PHACTR2: variants seen among roughly 807,000 people sequenced by gnomAD.
PHACTR2 encodes phosphatase and actin regulator 2.
A neutral mutation model predicts 76.0 loss-of-function variants in PHACTR2; 30 were observed. The ratio of observed to expected loss-of-function variants is 0.39; its 90% CI spans 0.30 to 0.54. PHACTR2 has a LOEUF of 0.54. Ranked by LOEUF, PHACTR2 falls within the 20% of genes least tolerant of loss-of-function variation. PHACTR2 has a pLI of 0.61. For missense variants in PHACTR2, 696 were observed against 781.1 expected (o/e 0.89, Z 1.30); for synonymous variants, 292 against 292.5 (o/e 1.00, Z 0.02).
chr6:143,745,055 T>C (rs1029609611), intron 2 of PHACTR2, among the ~76,000 whole-genome samples: 1 of 152,234 alleles, frequency 6.6e-6, no homozygotes, highest in Non-Finnish European at 1.5e-5. Flanking sequence ...CCTTAGCTAC[T>C]GTATTCAGCT....
intron 1 of PHACTR2, among the ~76,000 whole-genome samples, chr6:143,670,636 G>A (rs1303772169): frequency 2.0e-5 from 3 of 151,668 alleles, no homozygotes; most frequent in Non-Finnish European, 2.9e-5. Flanking sequence ...TGATCAATTC[G>A]ACTATTGATA....
rs1301544278 is a variant in PHACTR2, at chr6:143,824,973, A to G, written c.*1284A>G. 6.6e-6 allele frequency: 1 copy of G among 152,612 alleles called. No individual in the cohort carries two copies. The highest frequency in any genetic ancestry group is 1.5e-5 in the Non-Finnish European group (1 of 68,032). The allele number at this position is 152,612 out of a possible 1,614,324, so 9.5% of individuals were successfully genotyped here. A position where few individuals can be genotyped will look rare whatever the true frequency, so the allele number is the denominator to read the frequency against. ...GGTTAAAGTAGTGGAAGTTTTCCCT[A>G]TGAGCCTACAGTCTGTATTGTTTAC... is the stretch of plus-strand genomic sequence containing the variant. On this transcript the variant is annotated 3_prime_UTR_variant, in exon 13 of 13. Transcript: ENST00000440869. This position sits in a 1 kb window ranked among gnomAD's most constrained non-coding sequence, Gnocchi z 6.3.
chr6:143,714,621 T>C (rs1015887), intron 2 of PHACTR2, among the ~76,000 whole-genome samples: 93,132 of 152,042 alleles, frequency 0.61, 30,037 homozygotes, highest in African/African-American at 0.83. Context: ...AAGCAGAAAG[T>C]TTCCAATATC....
chr6:143,751,791 T>TACACACACACACAC lies in PHACTR2; in HGVS notation c.296-1942_296-1929dup, dbSNP rs71024875. Among the ~76,000 whole-genome samples, 9,886 of 140,140 alleles carry TACACACACACACAC rather than the reference T, an allele frequency of 0.071. 403 individuals carry two copies. The highest frequency in any genetic ancestry group is 0.097 in the Non-Finnish European group (6,298 of 64,868). 91.9% of individuals were successfully genotyped at this position (140,140 alleles called of 152,430 possible). A position where few individuals can be genotyped will look rare whatever the true frequency, so the allele number is the denominator to read the frequency against. On this transcript the variant is annotated intron_variant, in intron 3 of 12. Coordinates refer to ENST00000440869, the MANE Select transcript of PHACTR2 (RefSeq NM_001100164.2). This position sits in a 1 kb window ranked among gnomAD's most constrained non-coding sequence, Gnocchi z 5.7. The stretch of plus-strand genomic sequence containing the variant: ...TCCTTTGCTCTGCTTGTATTTTACT[T>TACACACACACACAC]ACACACACACACACACACACACACA...
upstream of PHACTR2, among the ~76,000 whole-genome samples, chr6:143,607,912 G>A (rs1001108658): frequency 6.6e-6 from 1 of 152,224 alleles, no homozygotes. Context: ...TTCATGATCA[G>A]TGCCTCTTCC....
rs989245230 is a variant in PHACTR2, at chr6:143,602,982, T to C, written c.217+65775T>C. Among the ~76,000 whole-genome samples, 2 of 151,834 alleles carry C rather than the reference T, an allele frequency of 1.3e-5. No individual in the cohort carries two copies. Among genetic ancestry groups the C allele is most frequent in the Non-Finnish European group, 2.9e-5 (2 of 67,950 alleles). The stretch of plus-strand genomic sequence containing the variant: ...CAACATGGCAAAACCCCGTCTCTAC[T>C]AAAAATACAAAAACTAGCCAGACAT... On this transcript the variant is annotated intron_variant, in intron 1 of 11. Transcript: ENST00000367584. The surrounding 1 kb of genome is among the most constrained non-coding windows in gnomAD (Gnocchi z 6.1).
chr6:143,762,502 C>G (rs1292179010), intron 5 of PHACTR2, among the ~76,000 whole-genome samples: 1 of 152,150 alleles, frequency 6.6e-6, no homozygotes, highest in East Asian at 1.9e-4. Flanking sequence ...CTTAAGTACA[C>G]CAACAAGCCC....
At chr6:143,726,696 C>T (rs9403527) in intron 2 of PHACTR2, among the ~76,000 whole-genome samples, 45,536 of 152,032 alleles carry the variant, frequency 0.3, 7,214 homozygotes, top group Middle Eastern at 0.37. Context: ...ATTGTGGATA[C>T]TGCTGCTCTG....
chr6:143,813,503 A>G (rs1387500891), intron 12 of PHACTR2, among the ~76,000 whole-genome samples: 2 of 151,642 alleles, frequency 1.3e-5, no homozygotes, highest in Non-Finnish European at 2.9e-5. Flanking sequence ...CTGTAGTGCC[A>G]GCTACTCCAG....
chr6:143,720,910 C>A (rs1778427343), intron 2 of PHACTR2, among the ~76,000 whole-genome samples: 1 of 152,208 alleles, frequency 6.6e-6, no homozygotes, highest in Admixed American at 6.5e-5. Flanking sequence ...ACTGCACCTG[C>A]CTTGGTTGTC....
Position 143,760,708 on chromosome 6 carries a change from T to A in PHACTR2, c.694+68T>A. ...CTTGGCTCTGGGATGGGGCTAATTG[T>A]TTCTTCTAGGTGTGATGGGCTTTTG... On this transcript the variant is annotated intron_variant, in intron 5 of 12. Transcript: ENST00000440869. This position sits in a 1 kb window ranked among gnomAD's most constrained non-coding sequence, Gnocchi z 6.4. 6.4e-7 allele frequency: 1 copy of A among 1,556,472 alleles called. No homozygotes were observed. The highest frequency in any genetic ancestry group is 8.7e-7 in the Non-Finnish European group (1 of 1,149,162).
At chr6:143,575,834 T>C (rs553011112) in intron 1 of PHACTR2, among the ~76,000 whole-genome samples, 1 of 152,376 alleles carries the variant, frequency 6.6e-6, no homozygotes, top group Admixed American at 6.5e-5. Flanking sequence ...AGAGTACAAT[T>C]GATTCTTAAG....
In PHACTR2 at chr6:143,647,242, C is replaced by T. The variant is rs1562258347; in HGVS notation, c.13+38920C>T. Among the ~76,000 whole-genome samples the T allele has an allele frequency of 6.6e-6, 1 of 152,104 alleles. No homozygotes were observed. Among genetic ancestry groups the T allele is most frequent in the African/African-American group, 2.4e-5 (1 of 41,402 alleles). ...TTTCTGTGATGTAGATAATATTAGT[C>T]CTATTTTGCAGATGAGGAAACCAAG... On this transcript the variant is annotated intron_variant, in intron 1 of 11. Transcript: ENST00000305766. This position sits in a 1 kb window ranked among gnomAD's most constrained non-coding sequence, Gnocchi z 4.2.
At position 143,585,311 on chromosome 6, in the gene PHACTR2, G is replaced by T. The variant is rs145944463; in HGVS notation, c.217+48104G>T. Among the ~76,000 whole-genome samples, 25 of 152,326 alleles carry T rather than the reference G, an allele frequency of 1.6e-4. No homozygotes were observed. The highest frequency in any genetic ancestry group is 6.8e-3 in the Middle Eastern group (2 of 294). On this transcript the variant is annotated intron_variant, in intron 1 of 11. Coordinates refer to the PHACTR2 transcript ENST00000367584. The surrounding 1 kb of genome is among the most constrained non-coding windows in gnomAD (Gnocchi z 5.2). ...CTGTCAGGAAGCAGGTCTGTCCATTGGAGCAAGATTCCAGCTACCAGGAAG... is the reference window on the plus strand; with the variant it reads ...CTGTCAGGAAGCAGGTCTGTCCATTTGAGCAAGATTCCAGCTACCAGGAAG...
At chr6:143,673,328 A>ATT, upstream of PHACTR2, among the ~76,000 whole-genome samples, 3 of 149,880 alleles carry the variant, frequency 2.0e-5, no homozygotes, top group South Asian at 6.3e-4. Context: ...GTATTCCCAG[A>ATT]TTTTTTTTTT....
rs35937662 is a variant in PHACTR2, at chr6:143,576,875, CAAAAAAAAAAAAAAAAA to C, written c.217+39685_217+39701del. On this transcript the variant is annotated intron_variant, in intron 1 of 11. Coordinates refer to the PHACTR2 transcript ENST00000367584. ...TGGGTGACAGAGTGAGACTCTGTCT[CAAAAAAAAAAAAAAAAA>C]AAAAAAAAAAAAAAAATTATTTGAA... Among the ~76,000 whole-genome samples the C allele has an allele frequency of 2.5e-4, 26 of 102,550 alleles. 1 individual carries two copies. The highest frequency in any genetic ancestry group is 3.4e-4 in the African/African-American group (9 of 26,446). The allele number at this position is 102,550 out of a possible 152,430, so 67.3% of individuals were successfully genotyped here. A position where few individuals can be genotyped will look rare whatever the true frequency, so the allele number is the denominator to read the frequency against.
Position 143,783,005 on chromosome 6 carries a change from ATGTGTGTGTGTGTGTGTGTG to A in PHACTR2, c.1646-202_1646-183del, listed in dbSNP as rs144077213. Among the ~76,000 whole-genome samples, 3 of 146,138 alleles carry A rather than the reference ATGTGTGTGTGTGTGTGTGTG, an allele frequency of 2.1e-5. No individual in the cohort carries two copies. The highest frequency in any genetic ancestry group is 1.4e-4 in the Admixed American group (2 of 14,602). Reference sequence around the variant, plus strand: ...AGCAAACCAGTCCTACAAAAAAAGCATGTGTGTGTGTGTGTGTGTGTGTGTGTGTGTATGTGTGTGTGTGT... The same window carrying A: ...AGCAAACCAGTCCTACAAAAAAAGCATGTGTGTGTGTATGTGTGTGTGTGT... On this transcript the variant is annotated intron_variant, in intron 9 of 12. Coordinates refer to ENST00000440869, the MANE Select transcript of PHACTR2 (RefSeq NM_001100164.2). This position sits in a 1 kb window ranked among gnomAD's most constrained non-coding sequence, Gnocchi z 5.2.
rs995405565 is a variant in PHACTR2 at position 143,697,828 on chromosome 6, G to A, written c.47-14188G>A. 2.6e-5 allele frequency among the ~76,000 whole-genome samples: 4 copies of A among 151,654 alleles called. No individual in the cohort carries two copies. The highest frequency in any genetic ancestry group is 7.3e-5 in the African/African-American group (3 of 41,074). ...TAAATATTTTTAGGGACCTTTTTGT[G>A]GCCTAAGTACAGTATAGGGGCACCA... is the stretch of plus-strand genomic sequence containing the variant. On this transcript the variant is annotated intron_variant, in intron 1 of 12. Coordinates refer to ENST00000440869, the MANE Select transcript of PHACTR2 (RefSeq NM_001100164.2). This position sits in a 1 kb window ranked among gnomAD's most constrained non-coding sequence, Gnocchi z 4.4.
chr6:143,795,873 G>A lies in PHACTR2; in HGVS notation c.1845+6963G>A, dbSNP rs1775810444. Among the ~76,000 whole-genome samples the A allele has an allele frequency of 6.6e-6, 1 of 152,196 alleles. No individual in the cohort carries two copies. Among genetic ancestry groups the A allele is most frequent in the Non-Finnish European group, 1.5e-5 (1 of 68,038 alleles). On this transcript the variant is annotated intron_variant, in intron 11 of 12. Transcript: ENST00000440869. The surrounding 1 kb of genome is among the most constrained non-coding windows in gnomAD (Gnocchi z 4.8). ...ATTACCAATATTATACTCATAGTCA[G>A]GGATGAGAAGCCAAGCTTTGTTCCC...
Sources: allele counts gnomAD v4.1 joint callset (sites outside exome capture counted in the v4.1 genomes callset), GRCh38; gene constraint gnomAD v4.1.1; non-coding constraint Gnocchi (gnomAD v3.1); transcripts MANE v1.5; gene names NCBI Gene and HGNC (gene_info 2026-07-23, HGNC 2026-07-21).